SEMA5B: variants seen among roughly 807,000 people sequenced by gnomAD.
SEMA5B encodes semaphorin 5B.
SEMA5B carries 66 observed loss-of-function variants against 135.0 expected under a neutral mutation model. The ratio of observed to expected loss-of-function variants is 0.49; its 90% CI spans 0.40 to 0.60. SEMA5B has a LOEUF of 0.60. Ranked by LOEUF, SEMA5B falls within the 20% of genes least tolerant of loss-of-function variation. The pLI, the probability that SEMA5B is intolerant of heterozygous loss-of-function variation, is 0.00. For missense variants in SEMA5B, 1,501 were observed against 1,566.3 expected, an observed-to-expected ratio of 0.96 and a Z score of 0.70; for synonymous variants, 690 against 639.5, an observed-to-expected ratio of 1.08 and a Z score of -1.19.
At chr3:122,955,057 C>T (rs368108870) in intron 2 of SEMA5B, among the ~76,000 whole-genome samples, 100 of 152,024 alleles carry the variant, frequency 6.6e-4, no homozygotes, top group African/African-American at 2.4e-3. Context: ...TCACCTCAAC[C>T]TCCCAAAATG....
At chr3:122,924,320 C>T (rs1426573669) in intron 9 of SEMA5B, among the ~76,000 whole-genome samples, 1 of 152,148 alleles carries the variant, frequency 6.6e-6, no homozygotes, top group East Asian at 1.9e-4. Context: ...GAGAGGAAAC[C>T]ACCATACCAA....
At position 122,923,611 on chromosome 3, in the gene SEMA5B, C is replaced by G; in HGVS notation, c.1272+6G>C. On this transcript the variant is annotated splice_donor_region_variant and intron_variant, in intron 10 of 22. Transcript: ENST00000357599. The stretch of plus-strand genomic sequence containing the variant: ...GAAGACAGGGAAAGAGGAGGAGATT[C>G]TGTACCTGGAAATTGGGGATGGGGT... The G allele has an allele frequency of 6.2e-6, 10 of 1,613,968 alleles. No homozygotes were observed. The highest frequency in any genetic ancestry group is 8.5e-6 in the Non-Finnish European group (10 of 1,179,966).
At position 122,948,514 on chromosome 3, in the gene SEMA5B, G is replaced by T; in HGVS notation, c.320C>A (p.Ala107Asp). The change falls in exon 3 of 23, where the codon GCC becomes GAC. Residue 107 changes from alanine to aspartate, a missense_variant. Physicochemically the swap from Ala to Asp is moderately radical, Grantham distance 126. Around this residue, in one of 2 missense-constraint regions of SEMA5B, gnomAD observed 574 missense variants for 684.7 expected, o/e 0.84. Coordinates refer to ENST00000357599, the MANE Select transcript of SEMA5B (RefSeq NM_001031702.4). ...TAGGAAGCAACTCTTACCTTCAAAG[G>T]CCACGGTGGGGTGCTTGCTAAGGGC... ...LCALSKHPTV[A>D]FEDLQPWVSN... The T allele has an allele frequency of 6.2e-7, 1 of 1,600,500 alleles. No homozygotes were observed. The highest frequency in any genetic ancestry group is 8.5e-7 in the Non-Finnish European group (1 of 1,170,464).
chr3:122,926,378 A>G lies in SEMA5B; in HGVS notation c.1136+14T>C, dbSNP rs751964260. The G allele has an allele frequency of 6.2e-7, 1 of 1,600,440 alleles. No individual in the cohort carries two copies. The highest frequency in any genetic ancestry group is 1.7e-5 in the Admixed American group (1 of 59,586). ...GACATCACAGGCAAGGGGCTGGCAGAGGGCAGGACTCACACGTTGGTTGTG... is the reference window on the plus strand; with the variant it reads ...GACATCACAGGCAAGGGGCTGGCAGGGGGCAGGACTCACACGTTGGTTGTG... On this transcript the variant is annotated intron_variant, in intron 9 of 22. Transcript: ENST00000357599.
chr3:122,990,357 C>T (rs1413522425), intron 1 of SEMA5B, among the ~76,000 whole-genome samples: 2 of 152,140 alleles, frequency 1.3e-5, no homozygotes, highest in African/African-American at 4.8e-5. Context: ...AAGGATTTTG[C>T]CCTTGGCCAA....
At chr3:123,010,011 C>T (rs189009287) in intron 1 of SEMA5B, among the ~76,000 whole-genome samples, 8 of 152,314 alleles carry the variant, frequency 5.3e-5, no homozygotes, top group Middle Eastern at 3.4e-3. Context: ...GTGCCTGATT[C>T]ACCCGGGAGC....
chr3:123,028,149 C>A (rs1369844605), upstream of SEMA5B, among the ~76,000 whole-genome samples: 4 of 152,214 alleles, frequency 2.6e-5, no homozygotes, highest in African/African-American at 9.6e-5. Flanking sequence ...GGCCTGCCCA[C>A]CCCAACACTC....
At chr3:122,963,042 T>A (rs541912261) in intron 1 of SEMA5B, among the ~76,000 whole-genome samples, 1 of 152,184 alleles carries the variant, frequency 6.6e-6, no homozygotes, top group African/African-American at 2.4e-5. Context: ...AAGAGTCGTA[T>A]GTGTGTCTGT....
intron 1 of SEMA5B, among the ~76,000 whole-genome samples, chr3:123,013,641 C>G (rs1193534713): frequency 6.6e-6 from 1 of 152,226 alleles, no homozygotes; most frequent in Non-Finnish European, 1.5e-5. Flanking sequence ...AGCTGGCTTC[C>G]AAGCCCCACT....
chr3:122,986,147 T>C (rs1400550587), intron 1 of SEMA5B, among the ~76,000 whole-genome samples: 1 of 152,244 alleles, frequency 6.6e-6, no homozygotes, highest in Non-Finnish European at 1.5e-5. Flanking sequence ...AGCATAATAC[T>C]GTCCTTTGTC....
intron 12 of SEMA5B, among the ~76,000 whole-genome samples, chr3:122,917,654 G>A (rs1299776829): frequency 6.6e-6 from 1 of 152,158 alleles, no homozygotes; most frequent in African/African-American, 2.4e-5. Flanking sequence ...TGCTGCTCTT[G>A]GCCAACCCGC....
At position 122,926,550 on chromosome 3, in the gene SEMA5B, C is replaced by G. The variant is rs765001789; in HGVS notation, c.978G>C (p.Val326=). Reference sequence around the variant, plus strand: ...TGTCCTCCAGCAGGAATCGGCCCCCCACGTCATTCTTGCACACGCGGGCCA... The same window carrying G: ...TGTCCTCCAGCAGGAATCGGCCCCCGACGTCATTCTTGCACACGCGGGCCA... ...SRVARVCKND[V]GGRFLLEDTW... is the part of the protein sequence containing the mutation. The change falls in exon 9 of 23, where the codon GTG becomes GTC. Residue 326 remains valine (V), a synonymous_variant. Coordinates refer to ENST00000357599, the MANE Select transcript of SEMA5B (RefSeq NM_001031702.4). 2 of 1,614,266 alleles carry G rather than the reference C, an allele frequency of 1.2e-6. No individual in the cohort carries two copies.
At chr3:122,999,597 T>C (rs1942121436) in intron 1 of SEMA5B, among the ~76,000 whole-genome samples, 1 of 152,052 alleles carries the variant, frequency 6.6e-6, no homozygotes, top group Non-Finnish European at 1.5e-5. Context: ...GGTGACCAGC[T>C]GTAACCACAA....
At position 122,913,983 on chromosome 3, in the gene SEMA5B, C is replaced by T. The variant is rs371165282; in HGVS notation, c.2007G>A (p.Pro669=). The T allele has an allele frequency of 4.3e-5, 69 of 1,603,606 alleles. No homozygotes were observed. The highest frequency in any genetic ancestry group is 5.2e-5 in the Non-Finnish European group (61 of 1,175,366). Reference sequence around the variant, plus strand: ...TGCTGCACAGCGCCCACGATGACCACGGGGTCCACGCCCCATTCCTGGCGG... The same window carrying T: ...TGCTGCACAGCGCCCACGATGACCATGGGGTCCACGCCCCATTCCTGGCGG... The part of the protein sequence containing the change: ...ANCSRNGAWT[P]WSSWALCSTS... Residue 669 remains proline, a synonymous_variant, in exon 15 of 23, where the codon CCG becomes CCA. Transcript: ENST00000357599.
intron 1 of SEMA5B, among the ~76,000 whole-genome samples, chr3:123,000,081 G>A (rs1055498338): frequency 3.9e-5 from 6 of 152,150 alleles, no homozygotes. Context: ...GGTGGCACAC[G>A]CCTGTAGTCC....
At chr3:122,998,995 C>T (rs1016739615) in intron 1 of SEMA5B, among the ~76,000 whole-genome samples, 2 of 152,072 alleles carry the variant, frequency 1.3e-5, no homozygotes, top group African/African-American at 2.4e-5. Context: ...AAAATGAGGG[C>T]GAGAGATGGC....
rs1486004440 is a variant in SEMA5B, at chr3:122,909,797, TA to T, written c.*345del. Reference sequence around the variant, plus strand: ...CAGGAAGTTGTCTCCAACCCAAACTTAAAAGCCTGCCCTCTTGCCATCTCCA... The same window carrying T: ...CAGGAAGTTGTCTCCAACCCAAACTTAAAGCCTGCCCTCTTGCCATCTCCA... On this transcript the variant is annotated 3_prime_UTR_variant, in exon 23 of 23. Transcript: ENST00000357599. 1.0e-5 allele frequency: 2 copies of T among 199,068 alleles called. No individual in the cohort carries two copies. Among genetic ancestry groups the T allele is most frequent in the African/African-American group, 4.6e-5 (2 of 43,370 alleles). 12.3% of individuals were successfully genotyped at this position (199,068 alleles called of 1,614,324 possible). A position where few individuals can be genotyped will look rare whatever the true frequency, so the allele number is the denominator to read the frequency against.
rs568701903 is a variant in SEMA5B at position 122,943,608 on chromosome 3, G to A, written c.329-73C>T. ...CCCAGCTGCATCGCAGCAGACCACAGAACAGAAGGGTGAAAGTCAGGGGGA... is the reference window on the plus strand; with the variant it reads ...CCCAGCTGCATCGCAGCAGACCACAAAACAGAAGGGTGAAAGTCAGGGGGA... On this transcript the variant is annotated intron_variant, in intron 3 of 22. Coordinates refer to ENST00000357599, the MANE Select transcript of SEMA5B (RefSeq NM_001031702.4). 62 of 1,123,888 alleles carry A rather than the reference G, an allele frequency of 5.5e-5. 1 individual carries two copies. In the Middle Eastern group the frequency reaches 1.5e-3, roughly 27 times the overall value. 69.6% of individuals were successfully genotyped at this position (1,123,888 alleles called of 1,614,324 possible).
chr3:122,930,345 A>G (rs925197158), intron 5 of SEMA5B, among the ~76,000 whole-genome samples: 5 of 152,234 alleles, frequency 3.3e-5, no homozygotes, highest in African/African-American at 1.2e-4. Flanking sequence ...TGTGTCTCCC[A>G]GACCTTGGAG....
Sources: allele counts gnomAD v4.1 joint callset (sites outside exome capture counted in the v4.1 genomes callset), GRCh38; gene constraint gnomAD v4.1.1; regional missense constraint gnomAD v4.1.1; transcripts MANE v1.5; gene names NCBI Gene and HGNC (gene_info 2026-07-23, HGNC 2026-07-21).